Variants in HAPLN3 observed in about 807,000 individuals in gnomAD.
HAPLN3 encodes the protein hyaluronan and proteoglycan link protein 3, also known as extracellular link domain containing, 1.
A neutral mutation model predicts 28.1 loss-of-function variants in HAPLN3; 28 were observed. The observed-to-expected ratio is 1.00, with a 90% CI of 0.74 to 1.37. The LOEUF (loss-of-function observed/expected upper bound fraction) is 1.37. Among genes scored for constraint, HAPLN3 ranks in the 40% most tolerant of loss-of-function variants. The probability of loss-of-function intolerance (pLI) is 0.00; values close to 1 mark genes in which losing one functional copy is unlikely to be tolerated. For missense variants in HAPLN3, 513 were observed against 504.6 expected (o/e 1.02, Z -0.16); for synonymous variants, 211 against 213.1 (o/e 0.99, Z 0.09).
At chr15:88,882,595 A>G (rs753577456) in intron 2 of HAPLN3, among the ~76,000 whole-genome samples, 1 of 152,228 alleles carries the variant, frequency 6.6e-6, no homozygotes, top group African/African-American at 2.4e-5. Context: ...ACATGCAACA[A>G]AAGAATCAAG....
chr15:88,889,262 A>C (rs1370840397), intron 1 of HAPLN3, among the ~76,000 whole-genome samples: 1 of 152,082 alleles, frequency 6.6e-6, no homozygotes, highest in Non-Finnish European at 1.5e-5. Flanking sequence ...CCCTGGCTGC[A>C]TGGGGGAGAG....
In HAPLN3 at chr15:88,878,149, C is replaced by A. The variant is rs145650819; in HGVS notation, c.904G>T (p.Ala302Ser). ...TIAKVGQLFA[A>S]WKFHGLDRCD... is the part of the protein sequence containing the mutation. ...CGGTCCAGGCCATGGAACTTCCAGG[C>A]GGCAAAGAGCTGTCCCACCTTGGCG... Residue 302 changes from alanine to serine, a missense_variant, in exon 5 of 5, where the codon GCC becomes TCC. Ala to Ser is a moderately conservative substitution (Grantham distance 99). Transcript: ENST00000359595. 5.6e-6 allele frequency: 9 copies of A among 1,614,158 alleles called. No homozygotes were observed. The highest frequency in any genetic ancestry group is 1.6e-4 in the Middle Eastern group (1 of 6,062).
At chr15:88,884,366 C>T (rs1312434752) in intron 2 of HAPLN3, among the ~76,000 whole-genome samples, 1 of 152,108 alleles carries the variant, frequency 6.6e-6, no homozygotes, top group African/African-American at 2.4e-5. Flanking sequence ...AGATCGAGAC[C>T]ATCCTGGCTA....
chr15:88,884,717 C>G (rs111326005), intron 2 of HAPLN3, among the ~76,000 whole-genome samples: 1 of 152,064 alleles, frequency 6.6e-6, no homozygotes, highest in Non-Finnish European at 1.5e-5. Flanking sequence ...CTAAGGATGT[C>G]GAGATGGGGA....
Position 88,881,227 on chromosome 15 carries a change from C to T in HAPLN3, c.493+130G>A. The T allele has an allele frequency of 8.1e-7, 1 of 1,236,978 alleles. No individual in the cohort carries two copies. The highest frequency in any genetic ancestry group is 1.1e-6 in the Non-Finnish European group (1 of 899,928). 76.6% of individuals were successfully genotyped at this position (1,236,978 alleles called of 1,614,324 possible). A position where few individuals can be genotyped will look rare whatever the true frequency, so the allele number is the denominator to read the frequency against. On this transcript the variant is annotated intron_variant, in intron 3 of 4. Coordinates refer to ENST00000359595, the MANE Select transcript of HAPLN3 (RefSeq NM_178232.4). This position sits in a 1 kb window ranked among gnomAD's most constrained non-coding sequence, Gnocchi z 6.0. ...TGTAAAATGGGGGTCACAACAGTAGCTTCCATGTGGGTTGTTTTGAGAATT... is the reference window on the plus strand; with the variant it reads ...TGTAAAATGGGGGTCACAACAGTAGTTTCCATGTGGGTTGTTTTGAGAATT...
intron 1 of HAPLN3, among the ~76,000 whole-genome samples, chr15:88,894,579 G>C (rs1357236363): frequency 8.8e-6 from 1 of 113,604 alleles, no homozygotes; most frequent in African/African-American, 4.6e-5. Flanking sequence ...AAAACCGGAG[G>C]TGTTTCCCAA....
At chr15:88,889,406 G>C (rs1485079599) in intron 1 of HAPLN3, among the ~76,000 whole-genome samples, 1 of 152,198 alleles carries the variant, frequency 6.6e-6, no homozygotes, top group African/African-American at 2.4e-5. Context: ...CAAGATCTGA[G>C]CTCACTGCAA....
chr15:88,894,973 G>A (rs1385990595), intron 1 of HAPLN3, among the ~76,000 whole-genome samples: 1 of 152,212 alleles, frequency 6.6e-6, no homozygotes, highest in Non-Finnish European at 1.5e-5. Context: ...CTGCGGTCCA[G>A]AGGCGCAGGT....
rs1347574726 is a variant in HAPLN3, at chr15:88,880,607, C to G, written c.493+750G>C. On this transcript the variant is annotated intron_variant, in intron 3 of 4. Transcript: ENST00000359595. The surrounding 1 kb of genome is among the most constrained non-coding windows in gnomAD (Gnocchi z 6.0). ...GGAGAGATGTGAGGACACACAGCCC[C>G]ATCCTAGAGACAGAGAAGGTAAATA... is the stretch of plus-strand genomic sequence containing the variant. The G allele has an allele frequency of 7.8e-7, 1 of 1,288,590 alleles. No homozygotes were observed. Among genetic ancestry groups the G allele is most frequent in the Non-Finnish European group, 1.0e-6 (1 of 988,316 alleles). The allele number at this position is 1,288,590 out of a possible 1,614,324, so 79.8% of individuals were successfully genotyped here.
intron 2 of HAPLN3, among the ~76,000 whole-genome samples, chr15:88,883,608 G>T (rs368613582): frequency 6.6e-6 from 1 of 152,174 alleles, no homozygotes; most frequent in African/African-American, 2.4e-5. Flanking sequence ...TGAATAAAAT[G>T]AAAATGTACA....
rs1160009356 is a variant in HAPLN3, at chr15:88,878,011, G to T, written c.1042C>A (p.Gln348Lys). The T allele has an allele frequency of 6.2e-7, 1 of 1,613,736 alleles. No homozygotes were observed. The highest frequency in any genetic ancestry group is 8.5e-7 in the Non-Finnish European group (1 of 1,179,874). Residue 348 changes from glutamine (Q) to lysine (K), a missense_variant, in exon 5 of 5, where the codon CAG becomes AAG. Physicochemically the swap from Gln to Lys is moderately conservative, Grantham distance 53. Coordinates refer to ENST00000359595, the MANE Select transcript of HAPLN3 (RefSeq NM_178232.4). Reference sequence around the variant, plus strand: ...CAGTAAACACCGTACAAGCGGCTCTGCGGGTCGGGGAAGCCAAAGCTTCGG... The same window carrying T: ...CAGTAAACACCGTACAAGCGGCTCTTCGGGTCGGGGAAGCCAAAGCTTCGG... Reference protein sequence around the residue: ...GVRSFGFPDPQSRLYGVYCYR... With the variant: ...GVRSFGFPDPKSRLYGVYCYR...
rs1322850204 is a variant in HAPLN3, at chr15:88,887,188, G to A, written c.111C>T (p.Asn37=). 18 of 1,614,040 alleles carry A rather than the reference G, an allele frequency of 1.1e-5. No individual in the cohort carries two copies. The highest frequency in any genetic ancestry group is 5.5e-5 in the South Asian group (5 of 91,086). The change falls in exon 2 of 5, where the codon AAC becomes AAT. Residue 37 remains asparagine (N), a synonymous_variant. Coordinates refer to ENST00000359595, the MANE Select transcript of HAPLN3 (RefSeq NM_178232.4). ...GAGGTCGCCTACCTTTGCCATGACC[G>A]TTGCCTAGGTTCTGGTCGTTGGCGC... is the stretch of plus-strand genomic sequence containing the variant. ...SNSANDQNLG[N]GHGKDLLNGV...
At position 88,878,126 on chromosome 15, in the gene HAPLN3, G is replaced by A. The variant is rs1897584139; in HGVS notation, c.927C>T (p.Asp309=). Residue 309 remains aspartate (D), a synonymous_variant, in exon 5 of 5, where the codon GAC becomes GAT. Transcript: ENST00000359595. ...LFAAWKFHGL[D]RCDAGWLADG... is the part of the protein sequence containing the mutation. The stretch of plus-strand genomic sequence containing the variant: ...CTGCCAGCCAGCCAGCGTCGCAGCG[G>A]TCCAGGCCATGGAACTTCCAGGCGG... The A allele has an allele frequency of 6.2e-7, 1 of 1,614,138 alleles. No homozygotes were observed. The highest frequency in any genetic ancestry group is 8.5e-7 in the Non-Finnish European group (1 of 1,180,016).
In HAPLN3 at chr15:88,879,074, C is replaced by G; in HGVS notation, c.689G>C (p.Arg230Pro). The change falls in exon 4 of 5, where the codon CGG (arginine) becomes CCG (proline). Residue 230 changes from arginine to proline, a missense_variant. Coordinates refer to ENST00000359595, the MANE Select transcript of HAPLN3 (RefSeq NM_178232.4). This position sits in a 1 kb window ranked among gnomAD's most constrained non-coding sequence, Gnocchi z 5.0. ...ATVQYPIMLPRQPCGGPGLAP... is the reference protein window; with the variant it reads ...ATVQYPIMLPPQPCGGPGLAP... ...CAGGCCCGGGCCACCGCAGGGCTGC[C>G]GGGGCAACATGATGGGGTACTGCAC... The G allele has an allele frequency of 6.2e-7, 1 of 1,608,028 alleles. No homozygotes were observed. The highest frequency in any genetic ancestry group is 8.5e-7 in the Non-Finnish European group (1 of 1,177,356).
chr15:88,892,493 G>A (rs76260405), intron 1 of HAPLN3, among the ~76,000 whole-genome samples: 2,539 of 151,928 alleles, frequency 0.017, 59 homozygotes, highest in African/African-American at 0.057. Flanking sequence ...GGAATTATAA[G>A]AAAAGATCAG....
intron 1 of HAPLN3, among the ~76,000 whole-genome samples, chr15:88,889,352 T>A (rs990271241): frequency 5.3e-5 from 8 of 152,026 alleles, no homozygotes; most frequent in South Asian, 2.1e-4. Context: ...TGTTTTTTTT[T>A]AAAGATAGAA....
rs924123332 is a variant in HAPLN3, at chr15:88,879,884, C to G, written c.494-615G>C. 2 of 1,014,388 alleles carry G rather than the reference C, an allele frequency of 2.0e-6. No homozygotes were observed. Among genetic ancestry groups the G allele is most frequent in the Non-Finnish European group, 2.4e-6 (2 of 847,336 alleles). The allele number at this position is 1,014,388 out of a possible 1,614,324, so 62.8% of individuals were successfully genotyped here. A position where few individuals can be genotyped will look rare whatever the true frequency, so the allele number is the denominator to read the frequency against. On this transcript the variant is annotated intron_variant, in intron 3 of 4. Transcript: ENST00000359595. The surrounding 1 kb of genome is among the most constrained non-coding windows in gnomAD (Gnocchi z 5.0). ...GCCACAGGCCCTGAAAAGATATGTTCGTGTTTGAAATTTTACTCTAATAAA... is the reference window on the plus strand; with the variant it reads ...GCCACAGGCCCTGAAAAGATATGTTGGTGTTTGAAATTTTACTCTAATAAA...
chr15:88,878,897 A>G, intron 4 of HAPLN3, 70 bp downstream of exon 4: 1 of 1,466,252 alleles, frequency 6.8e-7, no homozygotes, highest in South Asian at 1.4e-5. Context: ...AGAGCTCCCC[A>G]GAAGCTGCCC....
intron 1 of HAPLN3, among the ~76,000 whole-genome samples, chr15:88,887,921 C>T (rs1897908794): frequency 6.6e-6 from 1 of 151,868 alleles, no homozygotes; most frequent in South Asian, 2.1e-4. Context: ...CAAGATCATG[C>T]CATTGCACTC....
Sources: gnomAD v4.1 joint callset for allele counts (sites outside exome capture counted in the v4.1 genomes callset) on GRCh38, gnomAD v4.1.1 for gene constraint, Gnocchi (gnomAD v3.1) non-coding constraint, MANE v1.5 for transcripts, NCBI Gene and HGNC (gene_info 2026-07-23, HGNC 2026-07-21) for gene names.